Variants in CYCS observed in about 807,000 individuals in gnomAD.
CYCS encodes the protein cytochrome c.
For synonymous variants in CYCS, 41 were observed against 43.0 expected (o/e 0.95, Z 0.18); for missense variants, 87 against 125.3 (o/e 0.69, Z 1.46).
rs1783395101 is a variant in CYCS, at chr7:25,123,583, A to C, written c.*118T>G. On this transcript the variant is annotated 3_prime_UTR_variant, in exon 3 of 3. Transcript: ENST00000305786. ...TTTTAAATCAGGACTGCCCAACAAAATATTCTGTCAGTCATTCATGATCTG... is the reference window on the plus strand; with the variant it reads ...TTTTAAATCAGGACTGCCCAACAAACTATTCTGTCAGTCATTCATGATCTG... 3.2e-6 allele frequency: 3 copies of C among 934,108 alleles called. No homozygotes were observed. The South Asian group carries it at 4.2e-5, about 13-fold the overall frequency. The allele number at this position is 934,108 out of a possible 1,614,324, so 57.9% of individuals were successfully genotyped here.
Position 25,123,655 on chromosome 7 carries a change from T to A in CYCS, c.*46A>T, listed in dbSNP as rs746621433. 7.2e-6 allele frequency: 11 copies of A among 1,535,932 alleles called. No homozygotes were observed. In the South Asian group the frequency reaches 8.9e-5, roughly 12 times the overall value. On this transcript the variant is annotated 3_prime_UTR_variant, in exon 3 of 3. Coordinates refer to ENST00000305786, the MANE Select transcript of CYCS (RefSeq NM_018947.6). ...TTAAAGGATGGTACACATAAAAAAG[T>A]CATGAGACATTTCTGTTTTGTAATA...
rs1783358048 is a variant in CYCS, at chr7:25,121,236, A to G, written c.*2465T>C. 6.6e-6 allele frequency: 1 copy of G among 151,988 alleles called. No individual in the cohort carries two copies. 9.4% of individuals were successfully genotyped at this position (151,988 alleles called of 1,614,324 possible). Reference sequence around the variant, plus strand: ...CATCTGTGCCAACACAGACCTTAATATAGGAGGCATAGAAATGAGAAAAAT... The same window carrying G: ...CATCTGTGCCAACACAGACCTTAATGTAGGAGGCATAGAAATGAGAAAAAT... On this transcript the variant is annotated 3_prime_UTR_variant, in exon 3 of 3. Coordinates refer to ENST00000305786, the MANE Select transcript of CYCS (RefSeq NM_018947.6).
At position 25,121,217 on chromosome 7, in the gene CYCS, T is replaced by C. The variant is rs1246662411; in HGVS notation, c.*2484A>G. On this transcript the variant is annotated 3_prime_UTR_variant, in exon 3 of 3. Transcript: ENST00000305786. ...CTAGAACATGGCAGTTACTCATCTG[T>C]GCCAACACAGACCTTAATATAGGAG... The C allele has an allele frequency of 2.0e-5, 3 of 152,000 alleles. No individual in the cohort carries two copies. The highest frequency in any genetic ancestry group is 4.8e-5 in the African/African-American group (2 of 41,354). 9.4% of individuals were successfully genotyped at this position (152,000 alleles called of 1,614,324 possible). A position where few individuals can be genotyped will look rare whatever the true frequency, so the allele number is the denominator to read the frequency against.
In CYCS at chr7:25,119,661, A is replaced by G. The variant is rs1783328442; in HGVS notation, c.*4040T>C. On this transcript the variant is annotated 3_prime_UTR_variant, in exon 3 of 3. Transcript: ENST00000305786. ...AGTAGCACAATCACAGCTACACTGCAGCCTCGAACTTCTGGGCACAAGCAG... is the reference window on the plus strand; with the variant it reads ...AGTAGCACAATCACAGCTACACTGCGGCCTCGAACTTCTGGGCACAAGCAG... Among the ~76,000 whole-genome samples, 3 of 152,056 alleles carry G rather than the reference A, an allele frequency of 2.0e-5. No homozygotes were observed. Among genetic ancestry groups the G allele is most frequent in the Admixed American group, 2.0e-4 (3 of 15,260 alleles).
At position 25,122,878 on chromosome 7, in the gene CYCS, A is replaced by G. The variant is rs890614879; in HGVS notation, c.*823T>C. 6.6e-6 allele frequency: 1 copy of G among 152,232 alleles called. No individual in the cohort carries two copies. Among genetic ancestry groups the G allele is most frequent in the African/African-American group, 2.4e-5 (1 of 41,464 alleles). 9.4% of individuals were successfully genotyped at this position (152,232 alleles called of 1,614,324 possible). ...ATCTTTAGTCTTGTGATCACACATA[A>G]TTTTAAAATTTGTGTATATCTCCGT... is the stretch of plus-strand genomic sequence containing the variant. On this transcript the variant is annotated 3_prime_UTR_variant, in exon 3 of 3. Coordinates refer to ENST00000305786, the MANE Select transcript of CYCS (RefSeq NM_018947.6).
rs1332637080 is a variant in CYCS, at chr7:25,120,376, A to G, written c.*3325T>C. On this transcript the variant is annotated 3_prime_UTR_variant, in exon 3 of 3. Coordinates refer to ENST00000305786, the MANE Select transcript of CYCS (RefSeq NM_018947.6). ...GCTGGGATTACAGGCATGAGCGACC[A>G]TGCCCGGCTAATTCTAGATTTAATA... 1 of 152,290 alleles carries G rather than the reference A, an allele frequency of 6.6e-6. No individual in the cohort carries two copies. Among genetic ancestry groups the G allele is most frequent in the Non-Finnish European group, 1.5e-5 (1 of 68,074 alleles). The allele number at this position is 152,290 out of a possible 1,614,324, so 9.4% of individuals were successfully genotyped here. A position where few individuals can be genotyped will look rare whatever the true frequency, so the allele number is the denominator to read the frequency against.
Position 25,118,776 on chromosome 7 carries a change from C to T in CYCS, c.*4925G>A, listed in dbSNP as rs1456079147. Among the ~76,000 whole-genome samples the T allele has an allele frequency of 2.6e-5, 4 of 152,150 alleles. No individual in the cohort carries two copies. Among genetic ancestry groups the T allele is most frequent in the Non-Finnish European group, 5.9e-5 (4 of 68,032 alleles). ...TTCTGAAACTACACTGTTCAAGTTA[C>T]AGACATATTTAAATGTTTAAATTTA... On this transcript the variant is annotated 3_prime_UTR_variant, in exon 3 of 3. Coordinates refer to ENST00000305786, the MANE Select transcript of CYCS (RefSeq NM_018947.6).
At position 25,122,648 on chromosome 7, in the gene CYCS, T is replaced by C. The variant is rs1407517226; in HGVS notation, c.*1053A>G. On this transcript the variant is annotated 3_prime_UTR_variant, in exon 3 of 3. Transcript: ENST00000305786. ...CTGAGCAAAGAAACTAAGAGTCAAT[T>C]AGTGAAGTGTTATTCTAGTTGAGGC... is the stretch of plus-strand genomic sequence containing the variant. 6.6e-6 allele frequency: 1 copy of C among 152,236 alleles called. No individual in the cohort carries two copies. The highest frequency in any genetic ancestry group is 1.9e-4 in the East Asian group (1 of 5,202). The allele number at this position is 152,236 out of a possible 1,614,324, so 9.4% of individuals were successfully genotyped here.
Position 25,120,435 on chromosome 7 carries a change from T to G in CYCS, c.*3266A>C, listed in dbSNP as rs1213630667. On this transcript the variant is annotated 3_prime_UTR_variant, in exon 3 of 3. Coordinates refer to ENST00000305786, the MANE Select transcript of CYCS (RefSeq NM_018947.6). ...AGAAAGTACTTTTGTTACAGACCAC[T>G]GGTTCTAGTCCTAGACCCAGAATGT... 6.6e-6 allele frequency: 1 copy of G among 152,236 alleles called. No homozygotes were observed. The highest frequency in any genetic ancestry group is 6.5e-5 in the Admixed American group (1 of 15,280). 9.4% of individuals were successfully genotyped at this position (152,236 alleles called of 1,614,324 possible).
rs1562514351 is a variant in CYCS at position 25,119,569 on chromosome 7, C to T, written c.*4132G>A. On this transcript the variant is annotated 3_prime_UTR_variant, in exon 3 of 3. Coordinates refer to ENST00000305786, the MANE Select transcript of CYCS (RefSeq NM_018947.6). Reference sequence around the variant, plus strand: ...GGGATTGCAGGCATGACCTACTGCACCCAGACCACTTTTTTTTTTTTTAAA... The same window carrying T: ...GGGATTGCAGGCATGACCTACTGCATCCAGACCACTTTTTTTTTTTTTAAA... Among the ~76,000 whole-genome samples the T allele has an allele frequency of 6.7e-6, 1 of 148,298 alleles. No homozygotes were observed.
chr7:25,123,932 T>C lies in CYCS; in HGVS notation c.169+19A>G. On this transcript the variant is annotated intron_variant, in intron 2 of 2. Transcript: ENST00000305786. ...TATTCCTGCATTTTGTGTTGTTTTA[T>C]TTAACAAGTGACTCTTACCTTTGTT... 6.2e-7 allele frequency: 1 copy of C among 1,614,228 alleles called. No individual in the cohort carries two copies. The highest frequency in any genetic ancestry group is 1.3e-5 in the African/African-American group (1 of 75,066).
intron 2 of CYCS, 39 bp from the exon 3 acceptor site, chr7:25,123,888 G>C (rs1562515957): frequency 1.7e-5 from 28 of 1,614,090 alleles, no homozygotes; most frequent in Non-Finnish European, 2.4e-5. Flanking sequence ...TCACACTCCT[G>C]ATAGTTTGCC....
intron 1 of CYCS, among the ~76,000 whole-genome samples, 151 bp from the exon 2 acceptor site, chr7:25,124,278 A>G (rs1466266766): frequency 6.6e-6 from 1 of 152,144 alleles, no homozygotes; most frequent in African/African-American, 2.4e-5. Context: ...AATACTCTTT[A>G]TACCAAATAT....
chr7:25,123,908 AT>A, intron 2 of CYCS, 42 bp downstream of exon 2: 1 of 1,614,080 alleles, frequency 6.2e-7, no homozygotes, highest in Non-Finnish European at 8.5e-7. Flanking sequence ...CACATGTTAT[AT>A]TCCTGCATTT....
At chr7:25,123,870 C>G in intron 2 of CYCS, 21 bp from the exon 3 acceptor site, 1 of 1,614,104 alleles carries the variant, frequency 6.2e-7, no homozygotes, top group South Asian at 1.1e-5. Flanking sequence ...AAGAATGCAT[C>G]GGTTATTTCA....
rs1483714671 is a variant in CYCS, at chr7:25,120,350, T to C, written c.*3351A>G. 2 of 152,282 alleles carry C rather than the reference T, an allele frequency of 1.3e-5. No individual in the cohort carries two copies. Among genetic ancestry groups the C allele is most frequent in the African/African-American group, 2.4e-5 (1 of 41,448 alleles). 9.4% of individuals were successfully genotyped at this position (152,282 alleles called of 1,614,324 possible). A position where few individuals can be genotyped will look rare whatever the true frequency, so the allele number is the denominator to read the frequency against. Reference sequence around the variant, plus strand: ...ATCTGCCTGCCTTGGCCTCCCAAAGTGCTGGGATTACAGGCATGAGCGACC... The same window carrying C: ...ATCTGCCTGCCTTGGCCTCCCAAAGCGCTGGGATTACAGGCATGAGCGACC... On this transcript the variant is annotated 3_prime_UTR_variant, in exon 3 of 3. Coordinates refer to ENST00000305786, the MANE Select transcript of CYCS (RefSeq NM_018947.6).
chr7:25,123,887 T>C (rs968273678), intron 2 of CYCS, 38 bp from the exon 3 acceptor site: 1 of 1,614,084 alleles, frequency 6.2e-7, no homozygotes, highest in Non-Finnish European at 8.5e-7. Context: ...TTCACACTCC[T>C]GATAGTTTGC....
At position 25,123,688 on chromosome 7, in the gene CYCS, C is replaced by T. The variant is rs749677906; in HGVS notation, c.*13G>A. The T allele has an allele frequency of 5.0e-6, 8 of 1,596,358 alleles. No homozygotes were observed. The highest frequency in any genetic ancestry group is 2.2e-5 in the South Asian group (2 of 90,954). On this transcript the variant is annotated 3_prime_UTR_variant, in exon 3 of 3. Transcript: ENST00000305786. Reference sequence around the variant, plus strand: ...CATTTCTGTTTTGTAATAAATAAGGCAGTGGCCAATTATTACTCATTAGTA... The same window carrying T: ...CATTTCTGTTTTGTAATAAATAAGGTAGTGGCCAATTATTACTCATTAGTA...
rs146494129 is a variant in CYCS, at chr7:25,123,743, C to T, written c.276G>A (p.Arg92=). 5.0e-6 allele frequency: 8 copies of T among 1,606,652 alleles called. No homozygotes were observed. The African/African-American group carries it at 5.3e-5, about 11-fold the overall frequency. ...IFVGIKKKEE[R]ADLIAYLKKA... is the part of the protein sequence containing the mutation. ...TTTTGAGATAAGCTATTAAGTCTGC[C>T]CTTTCTTCCTTCTTCTTAATGCCGA... The change falls in exon 3 of 3, where the codon AGG becomes AGA. Residue 92 remains arginine (R), a synonymous_variant. Transcript: ENST00000305786.
Sources: allele counts gnomAD v4.1 joint callset (sites outside exome capture counted in the v4.1 genomes callset), GRCh38; gene constraint gnomAD v4.1.1; transcripts MANE v1.5; gene names NCBI Gene and HGNC (gene_info 2026-07-23, HGNC 2026-07-21).